Variants in ZNF644 observed in about 807,000 individuals in gnomAD.
The protein encoded by ZNF644 is zinc finger protein 644, also known as zinc finger motif enhancer binding protein 2.
Under a neutral mutation model 108.0 loss-of-function variants are expected in ZNF644, and 20 were observed. The ratio of observed to expected loss-of-function variants is 0.19; its 90% CI spans 0.13 to 0.27. The LOEUF is 0.27. ZNF644 is among the 10% of genes least tolerant of loss of function. The pLI, the probability that ZNF644 is intolerant of heterozygous loss-of-function variation, is 1.00. For missense variants in ZNF644, 1,338 were observed against 1,548.9 expected, an observed-to-expected ratio of 0.86 and a Z score of 2.29; for synonymous variants, 542 against 539.1, an observed-to-expected ratio of 1.01 and a Z score of -0.08.
chr1:90,919,806 T>C (rs139714422), intron 4 of ZNF644, among the ~76,000 whole-genome samples: 117 of 152,198 alleles, frequency 7.7e-4, no homozygotes, highest in Non-Finnish European at 1.2e-3. Flanking sequence ...AATTTAACCA[T>C]TGATATTTAG....
At chr1:90,941,586 G>A (rs1031692433) in intron 2 of ZNF644, among the ~76,000 whole-genome samples, 4 of 151,816 alleles carry the variant, frequency 2.6e-5, no homozygotes, top group African/African-American at 9.7e-5. Flanking sequence ...AACACACTAG[G>A]GAAAAGCAGC....
chr1:91,000,673 TA>T (rs1658675189), intron 1 of ZNF644, among the ~76,000 whole-genome samples: 2 of 151,472 alleles, frequency 1.3e-5, no homozygotes, highest in African/African-American at 2.4e-5. Context: ...AAGCAAGAAA[TA>T]ACTAAGATCA....
At position 90,940,658 on chromosome 1, in the gene ZNF644, C is replaced by G; in HGVS notation, c.696G>C (p.Leu232Phe). 3 of 1,613,968 alleles carry G rather than the reference C, an allele frequency of 1.9e-6. No individual in the cohort carries two copies. The highest frequency in any genetic ancestry group is 2.5e-6 in the Non-Finnish European group (3 of 1,179,948). Residue 232 changes from leucine to phenylalanine, a missense_variant, in exon 3 of 6, where the codon TTG becomes TTC. Leu to Phe is a conservative substitution (Grantham distance 22). Around this residue, in one of 6 missense-constraint regions of ZNF644, gnomAD observed 464 missense variants for 457.9 expected, o/e 1.01. Coordinates refer to ENST00000337393, the MANE Select transcript of ZNF644 (RefSeq NM_201269.3). The part of the protein sequence containing the change: ...VEVGEDGEDL[L>F]VKDDCVNTVT... ...CTGTATTGACACAATCATCTTTCAC[C>G]AATAAATCTTCACCATCCTCACCCA... is the stretch of plus-strand genomic sequence containing the variant.
chr1:90,954,355 A>C (rs1311377106), intron 2 of ZNF644, among the ~76,000 whole-genome samples: 1 of 151,978 alleles, frequency 6.6e-6, no homozygotes, highest in Non-Finnish European at 1.5e-5. Flanking sequence ...GCAACTTCTC[A>C]TCTGATCAGG....
At chr1:91,005,983 G>C (rs1659384443) in intron 1 of ZNF644, among the ~76,000 whole-genome samples, 1 of 151,642 alleles carries the variant, frequency 6.6e-6, no homozygotes, top group African/African-American at 2.4e-5. Flanking sequence ...TCTTTGAAAA[G>C]AACAAAATTG....
At chr1:90,951,414 T>C (rs986230180) in intron 2 of ZNF644, among the ~76,000 whole-genome samples, 48 of 152,198 alleles carry the variant, frequency 3.2e-4, no homozygotes, top group African/African-American at 1.4e-4. Flanking sequence ...TGTAGACACA[T>C]TGGCTTTTTT....
At chr1:90,944,720 T>C (rs991524937) in intron 2 of ZNF644, among the ~76,000 whole-genome samples, 1 of 152,228 alleles carries the variant, frequency 6.6e-6, no homozygotes, top group Non-Finnish European at 1.5e-5. Flanking sequence ...TGTTCTTTTA[T>C]GTACATTATT....
chr1:90,965,759 TTTTTTTTG>T, intron 2 of ZNF644, among the ~76,000 whole-genome samples: 2 of 151,988 alleles, frequency 1.3e-5, no homozygotes, highest in South Asian at 4.2e-4. Flanking sequence ...TAACTCTCTC[TTTTTTTTG>T]AGATGGAGTT....
At chr1:90,945,672 T>G (rs1414528326) in intron 2 of ZNF644, among the ~76,000 whole-genome samples, 1 of 152,104 alleles carries the variant, frequency 6.6e-6, no homozygotes, top group Non-Finnish European at 1.5e-5. Context: ...GCTTCCTAGG[T>G]CACTCAGTAA....
At chr1:90,919,303 A>G (rs1649156563) in intron 4 of ZNF644, among the ~76,000 whole-genome samples, 1 of 152,112 alleles carries the variant, frequency 6.6e-6, no homozygotes, top group Non-Finnish European at 1.5e-5. Flanking sequence ...CTTTTCTTCC[A>G]TTATCCTGCC....
chr1:90,958,459 G>C (rs1216635716), intron 2 of ZNF644, among the ~76,000 whole-genome samples: 1 of 151,798 alleles, frequency 6.6e-6, no homozygotes, highest in East Asian at 1.9e-4. Context: ...CCTTTTTGCA[G>C]GATTGTAAAA....
chr1:90,969,875 G>C (rs1370472053), intron 2 of ZNF644, among the ~76,000 whole-genome samples: 1 of 152,126 alleles, frequency 6.6e-6, no homozygotes, highest in East Asian at 1.9e-4. Context: ...GGATTAGGTA[G>C]GTCTACTGTA....
At chr1:91,011,932 T>C (rs367587355) in intron 1 of ZNF644, among the ~76,000 whole-genome samples, 1 of 152,324 alleles carries the variant, frequency 6.6e-6, no homozygotes, top group East Asian at 1.9e-4. Context: ...TTCCTCCACC[T>C]ACTTCCTGGC....
At chr1:90,982,514 G>C (rs1656655471) in intron 1 of ZNF644, 144 bp from the exon 2 acceptor site, 1 of 608,700 alleles carries the variant, frequency 1.6e-6, no homozygotes, top group African/African-American at 1.8e-5. Flanking sequence ...CATTCAACCA[G>C]AATACCATCA....
intron 1 of ZNF644, among the ~76,000 whole-genome samples, chr1:91,019,478 C>A: frequency 6.6e-6 from 1 of 152,262 alleles, no homozygotes; most frequent in South Asian, 2.1e-4. Flanking sequence ...AGCAACATTG[C>A]TCTGAAACTA....
chr1:91,013,682 C>T (rs560997835), intron 1 of ZNF644, among the ~76,000 whole-genome samples: 22 of 152,044 alleles, frequency 1.4e-4, no homozygotes, highest in African/African-American at 4.6e-4. Context: ...TTCCCTATAC[C>T]CCATAGGACT....
At chr1:91,010,925 C>G (rs192721178) in intron 1 of ZNF644, among the ~76,000 whole-genome samples, 26 of 152,254 alleles carry the variant, frequency 1.7e-4, no homozygotes, top group Non-Finnish European at 3.1e-4. Flanking sequence ...TCAAACATAA[C>G]ATTCATTTTT....
chr1:91,012,989 C>T (rs1255415046), intron 1 of ZNF644, among the ~76,000 whole-genome samples: 2 of 152,114 alleles, frequency 1.3e-5, no homozygotes, highest in African/African-American at 2.4e-5. Flanking sequence ...TTTTGAAGAT[C>T]GACTAGGCTT....
chr1:90,927,112 A>G (rs1650128673), intron 4 of ZNF644, among the ~76,000 whole-genome samples: 1 of 151,570 alleles, frequency 6.6e-6, no homozygotes, highest in Non-Finnish European at 1.5e-5. Flanking sequence ...TTAGCTATAC[A>G]TCAGGGTCCA....
Sources: allele counts gnomAD v4.1 joint callset (sites outside exome capture counted in the v4.1 genomes callset), GRCh38; gene constraint gnomAD v4.1.1; regional missense constraint gnomAD v4.1.1; transcripts MANE v1.5; gene names NCBI Gene and HGNC (gene_info 2026-07-23, HGNC 2026-07-21).